Variants in CLIP4 observed in about 807,000 individuals in gnomAD.
The protein encoded by CLIP4 is CAP-Gly domain containing linker protein family member 4.
Under a neutral mutation model 73.1 loss-of-function variants are expected in CLIP4, and 47 were observed. That is an observed-to-expected ratio of 0.64 (90% CI 0.51 to 0.82). The LOEUF is 0.82. Among genes scored for constraint, CLIP4 ranks in the 40% least tolerant of loss-of-function variants. The probability of loss-of-function intolerance (pLI) is 0.00; values close to 1 mark genes in which losing one functional copy is unlikely to be tolerated. For missense variants in CLIP4, 874 were observed against 852.9 expected (o/e 1.02, Z -0.31); for synonymous variants, 306 against 295.4 (o/e 1.04, Z -0.37).
chr2:29,131,387 T>C lies in CLIP4; in HGVS notation c.263T>C (p.Ile88Thr), dbSNP rs201325033. 1.4e-5 allele frequency: 22 copies of C among 1,597,746 alleles called. No individual in the cohort carries two copies. The highest frequency in any genetic ancestry group is 1.7e-5 in the Non-Finnish European group (20 of 1,174,838). The change falls in exon 3 of 16, where the codon ATT becomes ACT. Residue 88 changes from isoleucine (I) to threonine (T), a missense_variant. Transcript: ENST00000320081. ...CAGGTCCAACAAAACATTGACATTA[T>C]TGGAAATGAGGTAAGGAATTCTTAC... ...VPQVQQNIDI[I>T]GNEILKRGCN...
At position 29,133,812 on chromosome 2, in the gene CLIP4, A is replaced by C; in HGVS notation, c.525A>C (p.Pro175=). 1 of 1,602,012 alleles carries C rather than the reference A, an allele frequency of 6.2e-7. No individual in the cohort carries two copies. Among genetic ancestry groups the C allele is most frequent in the Non-Finnish European group, 8.5e-7 (1 of 1,175,466 alleles). ...LIRVILKTSK[P]KDVDATCSDF... is the part of the protein sequence containing the mutation. Reference sequence around the variant, plus strand: ...GAGTGATTTTGAAAACATCGAAACCAAAAGGCAAGTATTATAAGATCACCT... The same window carrying C: ...GAGTGATTTTGAAAACATCGAAACCCAAAGGCAAGTATTATAAGATCACCT... The change falls in exon 5 of 16, where the codon CCA becomes CCC. Residue 175 remains proline, a synonymous_variant. Transcript: ENST00000320081.
chr2:29,166,498 C>T (rs188407799), intron 13 of CLIP4, among the ~76,000 whole-genome samples: 1 of 150,176 alleles, frequency 6.7e-6, no homozygotes, highest in Admixed American at 6.7e-5. Context: ...TCTAGGAAAA[C>T]TCACTGACTA....
intron 12 of CLIP4, among the ~76,000 whole-genome samples, chr2:29,163,214 T>A (rs1274270695): frequency 6.6e-6 from 1 of 151,996 alleles, no homozygotes; most frequent in Non-Finnish European, 1.5e-5. Flanking sequence ...ATACAAAAAG[T>A]CTTTAAAATA....
Position 29,131,308 on chromosome 2 carries a change from G to T in CLIP4, c.184G>T (p.Asp62Tyr). The T allele has an allele frequency of 6.2e-7, 1 of 1,609,790 alleles. No homozygotes were observed. The highest frequency in any genetic ancestry group is 8.5e-7 in the Non-Finnish European group (1 of 1,178,406). The change falls in exon 3 of 16, where the codon GAT (aspartate) becomes TAT (tyrosine). Residue 62 changes from aspartate (D) to tyrosine (Y), a missense_variant. Coordinates refer to ENST00000320081, the MANE Select transcript of CLIP4 (RefSeq NM_024692.6). ...TGCATCATGCCAGGAAATTCTTTTT[G>T]ATCCCAAAACTTCAGTTTCAGAATT... is the stretch of plus-strand genomic sequence containing the variant. ...NDASCQEILF[D>Y]PKTSVSELFA... is the part of the protein sequence containing the mutation.
At position 29,131,272 on chromosome 2, in the gene CLIP4, G is replaced by T; in HGVS notation, c.148G>T (p.Asp50Tyr). Residue 50 changes from aspartate (D) to tyrosine (Y), a missense_variant, in exon 3 of 16, where the codon GAT becomes TAT. By Grantham distance (160) the Asp-to-Tyr change is radical (BLOSUM62 -3). Coordinates refer to ENST00000320081, the MANE Select transcript of CLIP4 (RefSeq NM_024692.6). ...MPSDCEFSFF[D>Y]PNDASCQEIL... is the part of the protein sequence containing the mutation. ...TTTTATTTCAGAATTTTCTTTCTTTGATCCTAATGATGCATCATGCCAGGA... is the reference window on the plus strand; with the variant it reads ...TTTTATTTCAGAATTTTCTTTCTTTTATCCTAATGATGCATCATGCCAGGA... 1 of 1,596,140 alleles carries T rather than the reference G, an allele frequency of 6.3e-7. No homozygotes were observed. The highest frequency in any genetic ancestry group is 8.5e-7 in the Non-Finnish European group (1 of 1,173,346).
In CLIP4 at chr2:29,164,047, G is replaced by C; in HGVS notation, c.1658+93G>C. 7 of 1,056,192 alleles carry C rather than the reference G, an allele frequency of 6.6e-6. No individual in the cohort carries two copies. The South Asian group carries it at 1.0e-4, about 15-fold the overall frequency. 65.4% of individuals were successfully genotyped at this position (1,056,192 alleles called of 1,614,324 possible). Reference sequence around the variant, plus strand: ...TAATTTTATATTAAAGATATGCTCTGATTGTAGCTCATGTCTTCTTTCAAG... The same window carrying C: ...TAATTTTATATTAAAGATATGCTCTCATTGTAGCTCATGTCTTCTTTCAAG... On this transcript the variant is annotated intron_variant, in intron 13 of 15. Transcript: ENST00000320081.
intron 1 of CLIP4, among the ~76,000 whole-genome samples, chr2:29,108,338 T>G (rs1302426173): frequency 6.6e-6 from 1 of 152,340 alleles, no homozygotes; most frequent in Non-Finnish European, 1.5e-5. Flanking sequence ...ACAGTCGATC[T>G]GATCACCGGG....
At chr2:29,130,172 C>A in intron 2 of CLIP4, 1 of 425,276 alleles carries the variant, frequency 2.4e-6, no homozygotes, top group Admixed American at 2.4e-5. Flanking sequence ...GTGCTGCGGC[C>A]CTGGGTACCA....
At chr2:29,149,913 A>G (rs931631610) in intron 8 of CLIP4, among the ~76,000 whole-genome samples, 1 of 152,184 alleles carries the variant, frequency 6.6e-6, no homozygotes, top group Non-Finnish European at 1.5e-5. Flanking sequence ...TAAAGGTGTC[A>G]GTAGTCATGA....
Position 29,157,352 on chromosome 2 carries a change from C to T in CLIP4, c.1399+5C>T, listed in dbSNP as rs766578818. On this transcript the variant is annotated splice_donor_5th_base_variant and intron_variant, in intron 11 of 15. Coordinates refer to ENST00000320081, the MANE Select transcript of CLIP4 (RefSeq NM_024692.6). ...TTTCATCCAGAGCCAGTGCTGGTAT[C>T]TATGGCTTTTTCAACCAGGCTTTCT... is the stretch of plus-strand genomic sequence containing the variant. 3.5e-5 allele frequency: 57 copies of T among 1,613,846 alleles called. No individual in the cohort carries two copies. In the East Asian group the frequency reaches 8.0e-4, roughly 23 times the overall value.
intron 15 of CLIP4, among the ~76,000 whole-genome samples, chr2:29,176,397 A>T (rs181669770): frequency 6.6e-6 from 1 of 152,346 alleles, no homozygotes. Context: ...TTGAGAAGAA[A>T]TGTGGATAAT....
intron 1 of CLIP4, among the ~76,000 whole-genome samples, chr2:29,109,175 A>T (rs1438052861): frequency 6.6e-6 from 1 of 152,206 alleles, no homozygotes; most frequent in Non-Finnish European, 1.5e-5. Context: ...TTGGACTGAC[A>T]TCCTCATGGA....
In CLIP4 at chr2:29,160,161, A is replaced by T. The variant is rs570972351; in HGVS notation, c.1400-172A>T. On this transcript the variant is annotated intron_variant, in intron 11 of 15. Transcript: ENST00000320081. The stretch of plus-strand genomic sequence containing the variant: ...CTTGACCTCACATGTGAGAAACACA[A>T]CTGTAGATGACTTATGTGATGAAAG... 3.9e-5 allele frequency among the ~76,000 whole-genome samples: 6 copies of T among 152,354 alleles called. No homozygotes were observed. The East Asian group carries it at 1.2e-3, about 29-fold the overall frequency.
intron 9 of CLIP4, among the ~76,000 whole-genome samples, chr2:29,154,084 A>G (rs1034672576): frequency 6.6e-6 from 1 of 152,198 alleles, no homozygotes. Flanking sequence ...AGGCCCTTTG[A>G]AAATATCCCA....
At chr2:29,139,196 GTT>G (rs70958245) in intron 6 of CLIP4, among the ~76,000 whole-genome samples, 19 of 147,960 alleles carry the variant, frequency 1.3e-4, no homozygotes, top group African/African-American at 2.0e-4. Context: ...TTTGTTGAAG[GTT>G]TTTTTTTTTT....
At chr2:29,181,238 C>T (rs1253132816) in intron 15 of CLIP4, among the ~76,000 whole-genome samples, 1 of 152,130 alleles carries the variant, frequency 6.6e-6, no homozygotes, top group Non-Finnish European at 1.5e-5. Context: ...AGAAGCGGAT[C>T]ATCATAAAGA....
intron 7 of CLIP4, among the ~76,000 whole-genome samples, chr2:29,144,798 C>CTTTTTTT (rs34304199): frequency 1.1e-4 from 9 of 84,294 alleles, no homozygotes; most frequent in African/African-American, 3.6e-4. Context: ...AGTTATATCC[C>CTTTTTTT]TTTTTTTTTT....
intron 15 of CLIP4, among the ~76,000 whole-genome samples, chr2:29,174,945 C>G (rs1668237336): frequency 6.6e-6 from 1 of 151,968 alleles, no homozygotes; most frequent in Admixed American, 6.6e-5. Context: ...GTTTATCTCC[C>G]TGAGACCCAC....
At chr2:29,155,717 T>A (rs1213482770) in intron 9 of CLIP4, among the ~76,000 whole-genome samples, 1 of 152,204 alleles carries the variant, frequency 6.6e-6, no homozygotes, top group Non-Finnish European at 1.5e-5. Context: ...GAGTTCAGGC[T>A]CTCATGCTTG....
Sources: gnomAD v4.1 joint callset for allele counts (sites outside exome capture counted in the v4.1 genomes callset) on GRCh38, gnomAD v4.1.1 for gene constraint, MANE v1.5 for transcripts, NCBI Gene and HGNC (gene_info 2026-07-23, HGNC 2026-07-21) for gene names.